The following SUSD4 variants were observed in gnomAD, a reference collection of about 807,000 sequenced individuals.
SUSD4 encodes the protein sushi domain containing 4, also known as sushi domain-containing protein 4.
A neutral mutation model predicts 50.5 loss-of-function variants in SUSD4; 41 were observed. That is an observed-to-expected ratio of 0.81 (90% CI 0.63 to 1.05). The LOEUF is 1.05. Ranked by LOEUF, SUSD4 falls within the 50% of genes least tolerant of loss-of-function variation. The pLI is 0.00. For synonymous variants in SUSD4, 257 were observed against 257.3 expected (o/e 1.00, Z 0.01); for missense variants, 580 against 634.7 (o/e 0.91, Z 0.93).
chr1:223,343,278 C>G (rs1667855763), intron 2 of SUSD4, among the ~76,000 whole-genome samples: 1 of 152,212 alleles, frequency 6.6e-6, no homozygotes, highest in Admixed American at 6.5e-5. Context: ...CCCCGCCCAG[C>G]TGGACCAAGT....
At position 223,263,378 on chromosome 1, in the gene SUSD4, AT is replaced by A. The variant is rs1355381366; in HGVS notation, c.724+1251del. 5.3e-5 allele frequency among the ~76,000 whole-genome samples: 8 copies of A among 152,318 alleles called. No individual in the cohort carries two copies. In the East Asian group the frequency reaches 1.4e-3, roughly 26 times the overall value. ...TTGAATTTCAGATAAGGAAAGAATA[AT>A]TTTTTATACTAAGTATGTCCCATAT... On this transcript the variant is annotated intron_variant, in intron 5 of 8. Transcript: ENST00000366878.
chr1:223,269,125 G>C (rs958537972), intron 3 of SUSD4, among the ~76,000 whole-genome samples: 4 of 152,156 alleles, frequency 2.6e-5, no homozygotes, highest in African/African-American at 7.2e-5. Context: ...TAAGGGTCCC[G>C]GCCCTGAGCC....
rs1424226528 is a variant in SUSD4, at chr1:223,273,583, T to C, written c.362-4908A>G. Among the ~76,000 whole-genome samples the C allele has an allele frequency of 1.3e-5, 2 of 152,360 alleles. 1 individual carries two copies. The stretch of plus-strand genomic sequence containing the variant: ...CCATGCTAACATGGATTTTAGTCCA[T>C]GCTAACATGTGATTTAAGCTTTGGG... On this transcript the variant is annotated intron_variant, in intron 3 of 8. Transcript: ENST00000366878.
intron 7 of SUSD4, among the ~76,000 whole-genome samples, chr1:223,226,999 C>A (rs1252240390): frequency 6.6e-6 from 1 of 152,108 alleles, no homozygotes; most frequent in Non-Finnish European, 1.5e-5. Flanking sequence ...CTGAAGATAC[C>A]AACCCGAGCT....
intron 3 of SUSD4, among the ~76,000 whole-genome samples, chr1:223,274,990 C>T (rs1357810995): frequency 2.0e-5 from 3 of 152,190 alleles, no homozygotes; most frequent in African/African-American, 7.2e-5. Context: ...CTGTTCAGTG[C>T]TGTGTACACT....
At chr1:223,237,320 C>G (rs1344832407) in intron 5 of SUSD4, among the ~76,000 whole-genome samples, 12 of 151,926 alleles carry the variant, frequency 7.9e-5, no homozygotes, top group Non-Finnish European at 1.5e-5. Flanking sequence ...TTCTTTCTTT[C>G]CAATCTATAT....
At chr1:223,347,542 A>C (rs1449327963) in intron 2 of SUSD4, among the ~76,000 whole-genome samples, 9 of 147,220 alleles carry the variant, frequency 6.1e-5, no homozygotes, top group Non-Finnish European at 1.3e-4. Context: ...TTCCCAGCTA[A>C]ATAAATCCCA....
chr1:223,343,154 C>T (rs758480189), intron 2 of SUSD4, among the ~76,000 whole-genome samples: 3 of 152,154 alleles, frequency 2.0e-5, no homozygotes, highest in Non-Finnish European at 4.4e-5. Context: ...AACAGAAGAC[C>T]TCTGTGCTGG....
At chr1:223,306,383 A>C (rs1373616041) in intron 2 of SUSD4, among the ~76,000 whole-genome samples, 10 of 152,364 alleles carry the variant, frequency 6.6e-5, no homozygotes, top group South Asian at 2.1e-4. Context: ...AAAACCACTC[A>C]TCAGGAAAAT....
At chr1:223,290,006 C>T (rs772740636) in intron 3 of SUSD4, among the ~76,000 whole-genome samples, 4 of 152,174 alleles carry the variant, frequency 2.6e-5, no homozygotes, top group Admixed American at 6.5e-5. Flanking sequence ...AACAATAAGA[C>T]TCATCTTATA....
intron 4 of SUSD4, 75 bp downstream of exon 4, chr1:223,268,427 T>C: frequency 2.0e-6 from 3 of 1,502,248 alleles, no homozygotes; most frequent in South Asian, 2.7e-5. Context: ...CTTTATTAGA[T>C]AAACATGTAC....
chr1:223,271,295 C>A (rs1662904737), intron 3 of SUSD4, among the ~76,000 whole-genome samples: 2 of 152,186 alleles, frequency 1.3e-5, no homozygotes, highest in South Asian at 4.1e-4. Context: ...AGCAGAAGCA[C>A]CCAAGCCTTG....
chr1:223,364,236 G>A (rs1288089850), upstream of SUSD4: 2 of 150,136 alleles, frequency 1.3e-5, no homozygotes, highest in East Asian at 3.9e-4. The surrounding 1 kb of genome is among the most constrained non-coding windows in gnomAD (Gnocchi z 4.5). Flanking sequence ...GCGCCCCCGA[G>A]CGGGCGGGTG....
At chr1:223,268,013 T>TTATATATATATATATATA (rs59885860) in intron 4 of SUSD4, among the ~76,000 whole-genome samples, 49 of 53,334 alleles carry the variant, frequency 9.2e-4, no homozygotes, top group East Asian at 2.3e-3. Flanking sequence ...CATGCATTTT[T>TTATATATATATATATATA]TATATATATA....
At chr1:223,253,005 C>T (rs1012243430) in intron 5 of SUSD4, among the ~76,000 whole-genome samples, 10 of 151,706 alleles carry the variant, frequency 6.6e-5, no homozygotes, top group Admixed American at 5.9e-4. Flanking sequence ...ACAGGAGAAT[C>T]GCTTGAACCT....
intron 2 of SUSD4, among the ~76,000 whole-genome samples, chr1:223,343,463 T>C (rs1667868372): frequency 6.6e-6 from 1 of 152,166 alleles, no homozygotes; most frequent in South Asian, 2.1e-4. Flanking sequence ...GTGAAAAAAA[T>C]TATAGGGTAT....
intron 2 of SUSD4, among the ~76,000 whole-genome samples, chr1:223,303,407 T>C (rs1665314175): frequency 6.6e-6 from 1 of 152,214 alleles, no homozygotes; most frequent in Non-Finnish European, 1.5e-5. Flanking sequence ...CAGGCATTCA[T>C]TCAACCAACA....
At chr1:223,353,263 C>T (rs771862698) in intron 2 of SUSD4, among the ~76,000 whole-genome samples, 71 of 152,142 alleles carry the variant, frequency 4.7e-4, no homozygotes, top group Non-Finnish European at 9.0e-4. Context: ...AGGACCTGCA[C>T]GTGGGAAGGC....
chr1:223,274,719 T>A (rs1247105810), intron 3 of SUSD4, among the ~76,000 whole-genome samples: 1 of 152,218 alleles, frequency 6.6e-6, no homozygotes, highest in Non-Finnish European at 1.5e-5. Context: ...TGAGGGCAAT[T>A]ATTTGTGGGT....
Sources: gnomAD v4.1 joint callset for allele counts (sites outside exome capture counted in the v4.1 genomes callset) on GRCh38, gnomAD v4.1.1 for gene constraint, Gnocchi (gnomAD v3.1) non-coding constraint, MANE v1.5 for transcripts, NCBI Gene and HGNC (gene_info 2026-07-23, HGNC 2026-07-21) for gene names.